Variants in PSMD6 observed in about 807,000 individuals in gnomAD.
PSMD6 encodes proteasome 26S subunit, non-ATPase 6, also known as 26S proteasome non-ATPase regulatory subunit 6.
Under a neutral mutation model 44.9 loss-of-function variants are expected in PSMD6, and 7 were observed. The ratio of observed to expected loss-of-function variants is 0.16; its 90% CI spans 0.09 to 0.29. PSMD6 has a LOEUF of 0.29. Among genes scored for constraint, PSMD6 ranks in the 10% least tolerant of loss-of-function variants. The pLI, the probability that PSMD6 is intolerant of heterozygous loss-of-function variation, is 1.00. For synonymous variants in PSMD6, 184 were observed against 172.7 expected (o/e 1.07, Z -0.51); for missense variants, 420 against 482.6 (o/e 0.87, Z 1.21).
intron 6 of PSMD6, chr3:64,011,653 A>C (rs923454056): frequency 2.6e-5 from 4 of 152,032 alleles, no homozygotes; most frequent in Admixed American, 1.3e-4. Flanking sequence ...TGAAGGGAAA[A>C]AAAAAAAACT....
chr3:64,010,781 G>T lies in PSMD6; in HGVS notation c.1074-17C>A. 6.3e-7 allele frequency: 1 copy of T among 1,584,872 alleles called. No individual in the cohort carries two copies. The highest frequency in any genetic ancestry group is 8.6e-7 in the Non-Finnish European group (1 of 1,158,604). On this transcript the variant is annotated splice_polypyrimidine_tract_variant and intron_variant, in intron 7 of 7. Coordinates refer to ENST00000295901, the MANE Select transcript of PSMD6 (RefSeq NM_014814.3). Reference sequence around the variant, plus strand: ...CTATCAGGTCTATAAATAAATTCAAGAAAAAATGAATTATTTACCAGTCAC... The same window carrying T: ...CTATCAGGTCTATAAATAAATTCAATAAAAAATGAATTATTTACCAGTCAC...
intron 5 of PSMD6, chr3:64,014,740 C>T (rs889918378): frequency 1.3e-5 from 2 of 152,074 alleles, no homozygotes; most frequent in African/African-American, 4.8e-5. Flanking sequence ...TGGCAGTGTT[C>T]AAGTGGATAT....
At chr3:64,017,247 T>C (rs2076059086) in intron 5 of PSMD6, 1 of 152,202 alleles carries the variant, frequency 6.6e-6, no homozygotes, top group South Asian at 2.1e-4. Context: ...CTTGCCAATA[T>C]ATGAAAAAGC....
intron 3 of PSMD6, 95 bp downstream of exon 3, chr3:64,019,201 T>C: frequency 6.9e-7 from 1 of 1,453,620 alleles, no homozygotes; most frequent in Non-Finnish European, 9.5e-7. Context: ...TGACCAAACT[T>C]ACTAGCTGTA....
At chr3:64,023,506 C>T, upstream of PSMD6, 1 of 1,436,082 alleles carries the variant, frequency 7.0e-7, no homozygotes. Context: ...GCGAATACGC[C>T]CGGCCGCCTG....
intron 5 of PSMD6, chr3:64,015,282 A>C (rs1423851680): frequency 5.3e-5 from 8 of 152,236 alleles, no homozygotes; most frequent in Non-Finnish European, 8.8e-5. Context: ...TGGTCAAGAC[A>C]CAATATATTT....
chr3:64,016,260 A>G (rs1215220687), intron 5 of PSMD6: 2 of 152,136 alleles, frequency 1.3e-5, no homozygotes, highest in Non-Finnish European at 2.9e-5. Flanking sequence ...GTCTCAGGAA[A>G]AATTTTATAT....
At chr3:64,015,773 C>T in intron 5 of PSMD6, 1 of 152,204 alleles carries the variant, frequency 6.6e-6, no homozygotes, top group East Asian at 1.9e-4. Context: ...AGAGAAAGGA[C>T]ACTGGTGATC....
At chr3:64,014,488 G>A (rs1202134989) in intron 5 of PSMD6, 1 of 152,068 alleles carries the variant, frequency 6.6e-6, no homozygotes, top group Non-Finnish European at 1.5e-5. Flanking sequence ...GGCTGGCTAA[G>A]CACAGAGCAA....
rs1458735903 is a variant in PSMD6, at chr3:64,018,680, C to T, written c.745G>A (p.Val249Met). 1.2e-6 allele frequency: 2 copies of T among 1,603,788 alleles called. No homozygotes were observed. Among genetic ancestry groups the T allele is most frequent in the African/African-American group, 1.3e-5 (1 of 74,744 alleles). The change falls in exon 5 of 8, where the codon GTG becomes ATG. Residue 249 changes from valine (V) to methionine (M), a missense_variant. Physicochemically the swap from Val to Met is conservative, Grantham distance 21. Transcript: ENST00000295901. ...KVIKGAEILE[V>M]LHSLPAVRQY... ...CGAACTGCTGGAAGACTGTGCAACACTTCAAGAATCTCTGCTCCTTTAATG... is the reference window on the plus strand; with the variant it reads ...CGAACTGCTGGAAGACTGTGCAACATTTCAAGAATCTCTGCTCCTTTAATG...
intron 6 of PSMD6, chr3:64,012,375 C>T: frequency 6.6e-6 from 1 of 152,180 alleles, no homozygotes; most frequent in Non-Finnish European, 1.5e-5. Flanking sequence ...ATGTCTCCTA[C>T]CCAACTCTAC....
intron 2 of PSMD6, among the ~76,000 whole-genome samples, chr3:64,021,712 G>A (rs111592482): frequency 5.2e-4 from 79 of 151,924 alleles, no homozygotes; most frequent in African/African-American, 1.8e-3. Flanking sequence ...TCGGGAGGCT[G>A]AGGGAGGAGA....
chr3:64,016,465 A>G (rs2076045775), intron 5 of PSMD6: 1 of 152,170 alleles, frequency 6.6e-6, no homozygotes, highest in African/African-American at 2.4e-5. Context: ...ATTAAAAAAA[A>G]AAAAGCATAA....
In PSMD6 at chr3:64,018,877, C is replaced by T. The variant is rs764148378; in HGVS notation, c.658G>A (p.Val220Met). Residue 220 changes from valine (V) to methionine (M), a missense_variant, in exon 4 of 8, where the codon GTG (valine) becomes ATG (methionine). Val to Met is a conservative substitution (Grantham distance 21). This residue lies in a region of PSMD6 where 216 missense variants were observed against 227.0 expected (regional missense o/e 0.95). Transcript: ENST00000295901. ...ATACTGACATAGACAGTATAAGTCA[C>T]AAATGTTTTATAATCCATGAGTTCA... is the stretch of plus-strand genomic sequence containing the variant. ...SYELMDYKTF[V>M]TYTVYVSMIA... is the part of the protein sequence containing the mutation. 2 of 1,599,418 alleles carry T rather than the reference C, an allele frequency of 1.3e-6. No homozygotes were observed. Among genetic ancestry groups the T allele is most frequent in the South Asian group, 1.1e-5 (1 of 90,746 alleles).
At chr3:64,023,102 C>G in intron 1 of PSMD6, 173 bp downstream of exon 1, 1 of 1,427,340 alleles carries the variant, frequency 7.0e-7, no homozygotes, top group Non-Finnish European at 9.1e-7. Flanking sequence ...AGTCGAGGTC[C>G]CCCAGGGTAT....
chr3:64,010,664 G>T lies in PSMD6; in HGVS notation c.*4C>A. 1 of 1,561,446 alleles carries T rather than the reference G, an allele frequency of 6.4e-7. No individual in the cohort carries two copies. On this transcript the variant is annotated 3_prime_UTR_variant, in exon 8 of 8. Coordinates refer to ENST00000295901, the MANE Select transcript of PSMD6 (RefSeq NM_014814.3). ...AAAGCAAATCCTTTGTTAGTTACAT[G>T]GCTTTACATATTAATTACTCTGGAA...
At position 64,023,329 on chromosome 3, in the gene PSMD6, G is replaced by T. The variant is rs376833285; in HGVS notation, c.91C>A (p.His31Asn). ...TCGCGCACGGCAGCGTCTCCGCGGT[G>T]CTCGGGCAGGCTGAGCAGGAAGCGC... Reference protein sequence around the residue: ...QLRFLLSLPEHRGDAAVRDEL... With the variant: ...QLRFLLSLPENRGDAAVRDEL... Residue 31 changes from histidine to asparagine, a missense_variant, in exon 1 of 8, where the codon CAC becomes AAC. This residue lies in a region of PSMD6 where 136 missense variants were observed against 124.2 expected (regional missense o/e 1.09). Transcript: ENST00000295901. 54 of 1,603,808 alleles carry T rather than the reference G, an allele frequency of 3.4e-5. No individual in the cohort carries two copies. The highest frequency in any genetic ancestry group is 3.8e-5 in the Non-Finnish European group (45 of 1,175,594).
chr3:64,018,464 G>T, intron 5 of PSMD6, 135 bp downstream of exon 5: 1 of 647,470 alleles, frequency 1.5e-6, no homozygotes. Context: ...GGCACATTAG[G>T]AATACTGATC....
Position 64,013,419 on chromosome 3 carries a change from A to G in PSMD6, c.995+20T>C, listed in dbSNP as rs762209867. ...AGGCAACTTTAAAACTTCAATTAACATGGCATTATTCAAACTTACTGATCA... is the reference window on the plus strand; with the variant it reads ...AGGCAACTTTAAAACTTCAATTAACGTGGCATTATTCAAACTTACTGATCA... On this transcript the variant is annotated intron_variant, in intron 6 of 7. Coordinates refer to ENST00000295901, the MANE Select transcript of PSMD6 (RefSeq NM_014814.3). 5.2e-6 allele frequency: 8 copies of G among 1,532,238 alleles called. No homozygotes were observed. The highest frequency in any genetic ancestry group is 2.4e-5 in the East Asian group (1 of 42,542). The allele number at this position is 1,532,238 out of a possible 1,614,324, so 94.9% of individuals were successfully genotyped here.
Sources: gnomAD v4.1 joint callset for allele counts (sites outside exome capture counted in the v4.1 genomes callset) on GRCh38, gnomAD v4.1.1 for gene constraint, gnomAD v4.1.1 regional missense constraint, MANE v1.5 for transcripts, NCBI Gene and HGNC (gene_info 2026-07-23, HGNC 2026-07-21) for gene names.